ANO1: variants seen among roughly 807,000 people sequenced by gnomAD.
ANO1 encodes the protein anoctamin 1, also known as anoctamin-1.
ANO1 carries 59 observed loss-of-function variants against 124.0 expected under a neutral mutation model. The observed-to-expected ratio is 0.48, with a 90% CI of 0.39 to 0.59. ANO1 has a LOEUF of 0.59. Ranked by LOEUF, ANO1 falls within the 20% of genes least tolerant of loss-of-function variation. ANO1 has a pLI of 0.00. For synonymous variants in ANO1, 529 were observed against 532.0 expected (o/e 0.99, Z 0.08); for missense variants, 1,059 against 1,328.0 (o/e 0.80, Z 3.15).
At chr11:69,989,311 G>A (rs1223902879) in intron 1 of ANO1, among the ~76,000 whole-genome samples, 2 of 152,216 alleles carry the variant, frequency 1.3e-5, no homozygotes, top group Non-Finnish European at 2.9e-5. Flanking sequence ...CCCTCCTGAA[G>A]CTTTCACCCA....
At chr11:70,028,213 T>A (rs1856942779) in intron 1 of ANO1, among the ~76,000 whole-genome samples, 1 of 152,206 alleles carries the variant, frequency 6.6e-6, no homozygotes, top group Admixed American at 6.5e-5. Context: ...TAACTGTTGA[T>A]AATTAGCAGG....
intron 1 of ANO1, among the ~76,000 whole-genome samples, chr11:70,010,160 T>TGC (rs547500606): frequency 0.035 from 2,204 of 62,160 alleles, 104 homozygotes; most frequent in East Asian, 0.24. Context: ...TGTGTGTGTG[T>TGC]GTGTGCGCGT....
intron 11 of ANO1, among the ~76,000 whole-genome samples, chr11:70,140,431 T>TGA (rs2047110319): frequency 6.6e-6 from 1 of 151,896 alleles, no homozygotes; most frequent in African/African-American, 2.4e-5. Flanking sequence ...CTCAGGAGGC[T>TGA]GAGGCAGGAT....
At chr11:70,175,920 T>C (rs1044233669) in intron 22 of ANO1, among the ~76,000 whole-genome samples, 2 of 152,098 alleles carry the variant, frequency 1.3e-5, no homozygotes, top group African/African-American at 4.8e-5. Flanking sequence ...ATGAAAAGAG[T>C]CAAACTCTGT....
chr11:70,181,197 C>T lies in ANO1; in HGVS notation c.2403+1141C>T, dbSNP rs1050502092. 1.1e-4 allele frequency among the ~76,000 whole-genome samples: 17 copies of T among 152,232 alleles called. No individual in the cohort carries two copies. The East Asian group carries it at 1.2e-3, about 10-fold the overall frequency. On this transcript the variant is annotated intron_variant, in intron 23 of 25. Coordinates refer to ENST00000355303, the MANE Select transcript of ANO1 (RefSeq NM_018043.7). ...CCCTCTGGCTGAGCCCAATCCTCCC[C>T]GCCAAAAGTTGACACCATGCACATG...
At chr11:70,048,688 A>G (rs1344458979) in intron 1 of ANO1, among the ~76,000 whole-genome samples, 1 of 12,748 alleles carries the variant, frequency 7.8e-5, no homozygotes, top group Non-Finnish European at 1.6e-4. Context: ...CCCTCTCCCC[A>G]CTCTTCTCCA....
At chr11:70,131,362 CTG>C (rs1223970852) in intron 10 of ANO1, among the ~76,000 whole-genome samples, 1 of 152,136 alleles carries the variant, frequency 6.6e-6, no homozygotes, top group Non-Finnish European at 1.5e-5. Flanking sequence ...GAGTCTCGCT[CTG>C]TCACCCAGGC....
intron 23 of ANO1, among the ~76,000 whole-genome samples, chr11:70,181,635 A>G (rs1012025455): frequency 6.6e-6 from 1 of 152,154 alleles, no homozygotes; most frequent in African/African-American, 2.4e-5. Flanking sequence ...CAGCAACAAC[A>G]ATAACAGCAG....
chr11:70,146,050 C>T (rs1190961207), intron 11 of ANO1, among the ~76,000 whole-genome samples: 2 of 151,948 alleles, frequency 1.3e-5, no homozygotes, highest in East Asian at 3.9e-4. Context: ...GCCCCCATTT[C>T]CTCATCCATA....
chr11:70,126,989 CAT>C (rs2046543896), intron 10 of ANO1, among the ~76,000 whole-genome samples: 1 of 124,292 alleles, frequency 8.0e-6, no homozygotes, highest in Non-Finnish European at 1.7e-5. Flanking sequence ...GGAGGTGAGA[CAT>C]GAATGCTAGA....
chr11:70,145,803 G>A (rs2047349481), intron 11 of ANO1, among the ~76,000 whole-genome samples: 1 of 151,974 alleles, frequency 6.6e-6, no homozygotes, highest in Admixed American at 6.6e-5. Context: ...CGGGCGTGGT[G>A]GCATGCACCT....
At chr11:70,120,180 G>C (rs924468388) in intron 8 of ANO1, among the ~76,000 whole-genome samples, 1 of 152,158 alleles carries the variant, frequency 6.6e-6, no homozygotes, top group Admixed American at 6.5e-5. Flanking sequence ...TGCTGAGCTG[G>C]AGGGTGGGCA....
chr11:70,141,256 G>T (rs1213857624), intron 11 of ANO1, among the ~76,000 whole-genome samples: 1 of 152,150 alleles, frequency 6.6e-6, no homozygotes, highest in Non-Finnish European at 1.5e-5. Flanking sequence ...GCCCTGTTTC[G>T]AGAAGCCAGC....
intron 2 of ANO1, among the ~76,000 whole-genome samples, chr11:70,095,047 A>T (rs2135281690): frequency 6.6e-6 from 1 of 152,114 alleles, no homozygotes; most frequent in East Asian, 1.9e-4. Context: ...CTGTACTAAA[A>T]ATACAAAAAT....
At chr11:69,995,107 T>TTG (rs1554998199) in intron 1 of ANO1, among the ~76,000 whole-genome samples, 1 of 147,144 alleles carries the variant, frequency 6.8e-6, no homozygotes. Context: ...TTTTTTTTTT[T>TTG]TTTTTTTTTT....
upstream of ANO1, among the ~76,000 whole-genome samples, chr11:70,074,375 T>C (rs1397102866): frequency 1.3e-5 from 2 of 152,204 alleles, no homozygotes; most frequent in Non-Finnish European, 2.9e-5. Flanking sequence ...AGGGCAACCC[T>C]GGGCACCTGT....
chr11:70,145,553 C>G (rs537049348), intron 11 of ANO1, among the ~76,000 whole-genome samples: 3 of 152,254 alleles, frequency 2.0e-5, no homozygotes, highest in African/African-American at 7.2e-5. Context: ...ATTCTAGGCT[C>G]CAGTCTGGGT....
chr11:70,110,960 C>A (rs1382311099), intron 6 of ANO1, among the ~76,000 whole-genome samples: 1 of 152,248 alleles, frequency 6.6e-6, no homozygotes, highest in Non-Finnish European at 1.5e-5. Flanking sequence ...CCAGTGCAGG[C>A]CCTGGGGGCC....
intron 1 of ANO1, among the ~76,000 whole-genome samples, chr11:70,006,565 T>C (rs1856488220): frequency 9.2e-6 from 1 of 109,164 alleles, no homozygotes; most frequent in Admixed American, 9.8e-5. Context: ...TTTCTTTCTT[T>C]TCTTTCTTTC....
Sources: gnomAD v4.1 joint callset for allele counts (sites outside exome capture counted in the v4.1 genomes callset) on GRCh38, gnomAD v4.1.1 for gene constraint, MANE v1.5 for transcripts, NCBI Gene and HGNC (gene_info 2026-07-23, HGNC 2026-07-21) for gene names.